SORCS1: variants seen among roughly 807,000 people sequenced by gnomAD.
The protein encoded by SORCS1 is VPS10 domain-containing receptor SorCS1.
Under a neutral mutation model 146.1 loss-of-function variants are expected in SORCS1, and 60 were observed. That is an observed-to-expected ratio of 0.41 (90% CI 0.33 to 0.51). SORCS1 has a LOEUF of 0.51. Ranked by LOEUF, SORCS1 falls within the 20% of genes least tolerant of loss-of-function variation. SORCS1 has a pLI of 0.21. For missense variants in SORCS1, 1,352 were observed against 1,487.6 expected, an observed-to-expected ratio of 0.91 and a Z score of 1.50; for synonymous variants, 637 against 584.0, an observed-to-expected ratio of 1.09 and a Z score of -1.31.
chr10:106,753,693 A>G (rs920232904), intron 5 of SORCS1, among the ~76,000 whole-genome samples: 2 of 152,108 alleles, frequency 1.3e-5, no homozygotes, highest in African/African-American at 4.8e-5. Flanking sequence ...TAAAAAAAAA[A>G]AAAAGTCACT....
intron 1 of SORCS1, among the ~76,000 whole-genome samples, chr10:107,154,935 G>C (rs966262964): frequency 6.6e-6 from 1 of 152,028 alleles, no homozygotes; most frequent in Non-Finnish European, 1.5e-5. Context: ...TACAGATGAG[G>C]GAACTAAAGA....
At chr10:107,064,872 T>C (rs1027513805) in intron 1 of SORCS1, among the ~76,000 whole-genome samples, 2 of 152,184 alleles carry the variant, frequency 1.3e-5, no homozygotes, top group Non-Finnish European at 2.9e-5. Context: ...GGGTAGTCAC[T>C]GTGATTTTTA....
chr10:106,745,460 C>T (rs1857661593), intron 5 of SORCS1, among the ~76,000 whole-genome samples: 1 of 150,644 alleles, frequency 6.6e-6, no homozygotes, highest in Admixed American at 6.6e-5. Flanking sequence ...AACAACAAAA[C>T]ACAATCTAGA....
At chr10:106,627,653 G>C (rs1312779897) in intron 19 of SORCS1, among the ~76,000 whole-genome samples, 1 of 152,214 alleles carries the variant, frequency 6.6e-6, no homozygotes, top group Non-Finnish European at 1.5e-5. Context: ...AGGGATGGCA[G>C]TTAGATGGAC....
intron 6 of SORCS1, among the ~76,000 whole-genome samples, chr10:106,713,800 G>T (rs913532048): frequency 6.6e-6 from 1 of 151,944 alleles, no homozygotes; most frequent in Non-Finnish European, 1.5e-5. Flanking sequence ...GTAAGTTTGG[G>T]GCCAATTTTT....
At chr10:106,881,874 T>C (rs918302354) in intron 2 of SORCS1, among the ~76,000 whole-genome samples, 2 of 152,232 alleles carry the variant, frequency 1.3e-5, no homozygotes, top group East Asian at 3.8e-4. Flanking sequence ...CATTCTATTG[T>C]ATGCCATAGG....
chr10:107,065,505 CTCCTCTCTT>C (rs1215235091), intron 1 of SORCS1, among the ~76,000 whole-genome samples: 1 of 80,554 alleles, frequency 1.2e-5, no homozygotes, highest in African/African-American at 6.6e-5. Context: ...CTCCTCTCCT[CTCCTCTCTT>C]TCTTTCTTTC....
At chr10:106,821,737 CT>C (rs1948037791) in intron 3 of SORCS1, among the ~76,000 whole-genome samples, 1 of 151,966 alleles carries the variant, frequency 6.6e-6, no homozygotes, top group Admixed American at 6.6e-5. Context: ...CTGGCTAAGA[CT>C]GTGAAACCAT....
intron 2 of SORCS1, among the ~76,000 whole-genome samples, chr10:106,875,471 A>G (rs1469259849): frequency 1.3e-5 from 2 of 152,150 alleles, no homozygotes; most frequent in African/African-American, 4.8e-5. Flanking sequence ...TCCCTTGGGT[A>G]GATACTCAGT....
At position 107,038,589 on chromosome 10, in the gene SORCS1, A is replaced by T. The variant is rs372739356; in HGVS notation, c.559-82009T>A. 7.9e-5 allele frequency among the ~76,000 whole-genome samples: 12 copies of T among 152,278 alleles called. No individual in the cohort carries two copies. In the East Asian group the frequency reaches 1.5e-3, roughly 20 times the overall value. The stretch of plus-strand genomic sequence containing the variant: ...TCCAGCTCTGAATCGGCTGCCTAGT[A>T]ACTATGTGGTCTCAGGCAAACTGCT... On this transcript the variant is annotated intron_variant, in intron 1 of 25. Transcript: ENST00000263054.
intron 2 of SORCS1, among the ~76,000 whole-genome samples, chr10:106,935,698 C>T (rs1589742110): frequency 6.6e-6 from 1 of 152,180 alleles, no homozygotes; most frequent in East Asian, 1.9e-4. Context: ...GACCAAGATT[C>T]TATGAAATAA....
intron 1 of SORCS1, among the ~76,000 whole-genome samples, chr10:107,068,530 G>A (rs1214557062): frequency 6.6e-6 from 1 of 152,020 alleles, no homozygotes; most frequent in East Asian, 1.9e-4. Context: ...GGCATAAGTC[G>A]GCCTGACTCT....
In SORCS1 at chr10:106,679,238, C is replaced by T. The variant is rs370947737; in HGVS notation, c.1740+18G>A. On this transcript the variant is annotated intron_variant, in intron 12 of 25. Coordinates refer to ENST00000263054, the MANE Select transcript of SORCS1 (RefSeq NM_052918.5). ...TGTTACTTAAACTTCAGCGATTTGA[C>T]CCAGGGTATTTTCTTACCTGTCTCC... The T allele has an allele frequency of 3.1e-5, 50 of 1,597,510 alleles. No homozygotes were observed. Among genetic ancestry groups the T allele is most frequent in the African/African-American group, 2.7e-4 (20 of 74,350 alleles).
chr10:106,578,728 C>T (rs1844712999), intron 25 of SORCS1: 17 of 1,098,140 alleles, frequency 1.5e-5, no homozygotes, highest in Non-Finnish European at 1.9e-5. Flanking sequence ...CAAACCCTGC[C>T]CAGCCCTCTG....
At chr10:107,174,855 C>A in the SORCS1 span, among the ~76,000 whole-genome samples, 6 of 152,034 alleles carry the variant, frequency 3.9e-5, no homozygotes, top group African/African-American at 1.4e-4. Flanking sequence ...AAAATTGGCT[C>A]AAGAGCAGGG....
intron 18 of SORCS1, among the ~76,000 whole-genome samples, chr10:106,631,650 C>T (rs1277434565): frequency 6.6e-6 from 1 of 152,298 alleles, no homozygotes; most frequent in African/African-American, 2.4e-5. Flanking sequence ...ACAGAGTGAG[C>T]ATCAGGCAGG....
intron 1 of SORCS1, among the ~76,000 whole-genome samples, chr10:107,122,033 C>T (rs534171346): frequency 6.6e-6 from 1 of 152,344 alleles, no homozygotes; most frequent in Admixed American, 6.5e-5. Context: ...CACCAGCCAC[C>T]TGATGCTGCT....
chr10:106,741,706 T>C (rs1208138741), intron 5 of SORCS1, among the ~76,000 whole-genome samples: 3 of 152,132 alleles, frequency 2.0e-5, no homozygotes, highest in Non-Finnish European at 4.4e-5. Context: ...TTGGCATACA[T>C]GAGCCTAGAC....
At chr10:106,628,581 C>A (rs1848242127) in intron 19 of SORCS1, among the ~76,000 whole-genome samples, 1 of 152,152 alleles carries the variant, frequency 6.6e-6, no homozygotes, top group South Asian at 2.1e-4. Flanking sequence ...TCTTTAGAAT[C>A]CCCAATGAGG....
Sources: allele counts gnomAD v4.1 joint callset (sites outside exome capture counted in the v4.1 genomes callset), GRCh38; gene constraint gnomAD v4.1.1; transcripts MANE v1.5; gene names NCBI Gene and HGNC (gene_info 2026-07-23, HGNC 2026-07-21).